BFSP2: variants seen among roughly 807,000 people sequenced by gnomAD.
The protein encoded by BFSP2 is phakinin.
A neutral mutation model predicts 44.9 loss-of-function variants in BFSP2; 38 were observed. That is an observed-to-expected ratio of 0.85 (90% CI 0.65 to 1.11). The LOEUF is 1.11. Among genes scored for constraint, BFSP2 ranks in the 50% least tolerant of loss-of-function variants. BFSP2 has a pLI of 0.00. For missense variants in BFSP2, 525 were observed against 533.0 expected (o/e 0.99, Z 0.15); for synonymous variants, 197 against 209.9 (o/e 0.94, Z 0.53).
intron 1 of BFSP2, among the ~76,000 whole-genome samples, chr3:133,425,822 T>TAAAGAAGGGAAGGGAAAA (rs2073643027): frequency 1.2e-5 from 1 of 82,220 alleles, no homozygotes; most frequent in Non-Finnish European, 2.5e-5. Context: ...GGAAGGGAAA[T>TAAAGAAGGGAAGGGAAAA]AAAGAAGGGA....
intron 1 of BFSP2, chr3:133,412,167 G>C (rs559549137): frequency 1.3e-5 from 2 of 152,264 alleles, no homozygotes; most frequent in East Asian, 3.9e-4. Context: ...AAGACGTGTG[G>C]GCACAAGTAA....
At chr3:133,466,469 C>T (rs2074110465) in intron 4 of BFSP2, among the ~76,000 whole-genome samples, 1 of 151,446 alleles carries the variant, frequency 6.6e-6, no homozygotes, top group Non-Finnish European at 1.5e-5. Context: ...TACCTGAGGT[C>T]AGGAGTTCAA....
intron 1 of BFSP2, among the ~76,000 whole-genome samples, chr3:133,401,143 C>G (rs1419310180): frequency 2.6e-5 from 4 of 152,144 alleles, no homozygotes; most frequent in Admixed American, 6.5e-5. Flanking sequence ...CTATTACCCA[C>G]AGTAAAACAC....
At chr3:133,430,451 A>C (rs2073702242) in intron 1 of BFSP2, among the ~76,000 whole-genome samples, 1 of 151,984 alleles carries the variant, frequency 6.6e-6, no homozygotes, top group African/African-American at 2.4e-5. Flanking sequence ...CGCCATTCTA[A>C]CTGGTGTGAG....
chr3:133,445,031 C>T (rs1281681051), intron 1 of BFSP2, among the ~76,000 whole-genome samples: 1 of 152,224 alleles, frequency 6.6e-6, no homozygotes, highest in Non-Finnish European at 1.5e-5. Context: ...TTTTTAACCT[C>T]ATCTCCTACA....
In BFSP2 at chr3:133,400,156, G is replaced by GCGT; in HGVS notation, c.75_77dup (p.Ser26dup). The GCGT allele has an allele frequency of 6.2e-7, 1 of 1,614,144 alleles. No individual in the cohort carries two copies. The highest frequency in any genetic ancestry group is 1.1e-5 in the South Asian group (1 of 91,084). The stretch of plus-strand genomic sequence containing the variant: ...CAGCATGCCCCTCCAGAGGCGCAGG[G>GCGT]CGTCCTTCAGGGGGCCACGGTCATC... On this transcript the variant is annotated inframe_insertion, in exon 1 of 7. Coordinates refer to ENST00000302334, the MANE Select transcript of BFSP2 (RefSeq NM_003571.4). The surrounding 1 kb of genome is among the most constrained non-coding windows in gnomAD (Gnocchi z 4.0).
intron 1 of BFSP2, chr3:133,410,967 T>A (rs1437197621): frequency 1.3e-5 from 2 of 152,274 alleles, no homozygotes; most frequent in Non-Finnish European, 2.9e-5. Context: ...TGTTTTAAAG[T>A]TTAAAGAAAG....
intron 5 of BFSP2, among the ~76,000 whole-genome samples, chr3:133,467,901 G>A (rs2074127212): frequency 1.3e-5 from 2 of 152,088 alleles, no homozygotes; most frequent in South Asian, 2.1e-4. Flanking sequence ...GGATCTGAGG[G>A]GAGGAAAATC....
At chr3:133,415,402 A>C (rs1305326681) in intron 1 of BFSP2, among the ~76,000 whole-genome samples, 17 of 20,312 alleles carry the variant, frequency 8.4e-4, no homozygotes, top group South Asian at 2.2e-3. Flanking sequence ...AAACCCCTCT[A>C]CTCACCCCTG....
intron 5 of BFSP2, among the ~76,000 whole-genome samples, chr3:133,471,749 C>T (rs1576601479): frequency 6.6e-6 from 1 of 151,934 alleles, no homozygotes; most frequent in Non-Finnish European, 1.5e-5. Context: ...GAAGGGACGG[C>T]AGAGGAAAAG....
rs528220757 is a variant in BFSP2 at position 133,433,830 on chromosome 3, T to C, written c.490-13487T>C. ...GGACTGAACAATACTTTTACCACTT[T>C]CGCTTCTCAGAATTCAGGCCTGTCC... On this transcript the variant is annotated intron_variant, in intron 1 of 6. Coordinates refer to ENST00000302334, the MANE Select transcript of BFSP2 (RefSeq NM_003571.4). 3.3e-5 allele frequency among the ~76,000 whole-genome samples: 5 copies of C among 152,346 alleles called. No homozygotes were observed. In the East Asian group the frequency reaches 9.6e-4, roughly 29 times the overall value.
intron 5 of BFSP2, among the ~76,000 whole-genome samples, chr3:133,469,540 T>A (rs768169964): frequency 6.6e-6 from 1 of 152,226 alleles, no homozygotes. Context: ...GGTCACTATT[T>A]TACTTTCTGG....
intron 1 of BFSP2, among the ~76,000 whole-genome samples, chr3:133,442,002 C>T (rs2073849681): frequency 6.6e-6 from 1 of 152,174 alleles, no homozygotes; most frequent in South Asian, 2.1e-4. Context: ...TCCAGAAAGA[C>T]CAAGACCCAC....
At chr3:133,417,543 T>G (rs1373274588) in intron 1 of BFSP2, among the ~76,000 whole-genome samples, 1 of 79,930 alleles carries the variant, frequency 1.3e-5, no homozygotes, top group Non-Finnish European at 2.5e-5. Context: ...CCTCTACTCA[T>G]CCCTTCCCTC....
chr3:133,414,747 TCTACTCA>T (rs2073495973), intron 1 of BFSP2, among the ~76,000 whole-genome samples: 1 of 41,812 alleles, frequency 2.4e-5, no homozygotes, highest in Non-Finnish European at 4.6e-5. Flanking sequence ...CCATTTCCCC[TCTACTCA>T]CCCCTATTCT....
At chr3:133,443,002 T>A (rs914800166) in intron 1 of BFSP2, among the ~76,000 whole-genome samples, 1 of 151,892 alleles carries the variant, frequency 6.6e-6, no homozygotes, top group African/African-American at 2.4e-5. Context: ...GAATTACAGG[T>A]GCGTGCAACC....
At chr3:133,450,015 A>AGGG (rs2073945112) in intron 3 of BFSP2, among the ~76,000 whole-genome samples, 2 of 108,834 alleles carry the variant, frequency 1.8e-5, no homozygotes, top group African/African-American at 7.9e-5. Flanking sequence ...GGAAGGAAGG[A>AGGG]AGGAGGGAGG....
intron 1 of BFSP2, among the ~76,000 whole-genome samples, chr3:133,443,755 C>T (rs999177133): frequency 6.6e-6 from 1 of 152,268 alleles, no homozygotes; most frequent in Admixed American, 6.5e-5. Context: ...TGCCACTGCA[C>T]CAGCTGAGTT....
At chr3:133,417,444 TCCTCTCCTCTCTACTCACCCCTAC>T (rs2073548572) in intron 1 of BFSP2, among the ~76,000 whole-genome samples, 1 of 70,714 alleles carries the variant, frequency 1.4e-5, no homozygotes, top group Non-Finnish European at 2.7e-5. Context: ...CTCACCCTCA[TCCTCTCCTCTCTACTCACCCCTAC>T]CCTCTCCCCT....
Sources: gnomAD v4.1 joint callset for allele counts (sites outside exome capture counted in the v4.1 genomes callset) on GRCh38, gnomAD v4.1.1 for gene constraint, Gnocchi (gnomAD v3.1) non-coding constraint, MANE v1.5 for transcripts, NCBI Gene and HGNC (gene_info 2026-07-23, HGNC 2026-07-21) for gene names.